GSE1: variants seen among roughly 807,000 people sequenced by gnomAD.
GSE1 encodes the protein Gse1 coiled-coil protein.
In GSE1, 32 loss-of-function variants were observed where a neutral mutation model predicts 112.6. The ratio of observed to expected loss-of-function variants is 0.28; its 90% CI spans 0.21 to 0.38. GSE1 has a LOEUF of 0.38. Among genes scored for constraint, GSE1 ranks in the 10% least tolerant of loss-of-function variants. The probability of loss-of-function intolerance (pLI) is 1.00; values close to 1 mark genes in which losing one functional copy is unlikely to be tolerated. For missense variants in GSE1, 2,348 were observed against 1,699.2 expected (o/e 1.38, Z -6.71); for synonymous variants, 1,115 against 735.6 (o/e 1.52, Z -8.35).
At chr16:85,464,475 C>G (rs914749527) in intron 2 of GSE1, among the ~76,000 whole-genome samples, 1 of 152,262 alleles carries the variant, frequency 6.6e-6, no homozygotes, top group East Asian at 1.9e-4. Context: ...CGCCCTTCCT[C>G]CGGGTGCCCG....
At chr16:85,233,756 G>A (rs1567627316) in intron 1 of GSE1, among the ~76,000 whole-genome samples, 2 of 152,306 alleles carry the variant, frequency 1.3e-5, no homozygotes, top group East Asian at 1.9e-4. Context: ...TCCATCAGAC[G>A]CTCCTGGCAG....
At chr16:85,248,714 G>C (rs1320913927) in intron 1 of GSE1, among the ~76,000 whole-genome samples, 2 of 152,212 alleles carry the variant, frequency 1.3e-5, no homozygotes, top group Non-Finnish European at 2.9e-5. Context: ...CAAGCAGGGA[G>C]GGGGGTGCTG....
intron 1 of GSE1, among the ~76,000 whole-genome samples, chr16:85,349,751 T>A (rs990467246): frequency 1.3e-5 from 2 of 152,136 alleles, no homozygotes; most frequent in Non-Finnish European, 2.9e-5. Context: ...CTCTTCCCCC[T>A]CCTGCGGTTG....
At chr16:85,617,485 A>T (rs1198051455) in intron 1 of GSE1, among the ~76,000 whole-genome samples, 2 of 151,172 alleles carry the variant, frequency 1.3e-5, no homozygotes, top group Admixed American at 1.3e-4. Context: ...TCCTGGCTGC[A>T]CTTTTGAATC....
intron 1 of GSE1, among the ~76,000 whole-genome samples, chr16:85,211,899 G>T (rs568602591): frequency 2.0e-5 from 3 of 152,208 alleles, no homozygotes; most frequent in East Asian, 3.9e-4. Context: ...AGCTTTGAGC[G>T]CCTGGATTTC....
chr16:85,519,381 ATCACC>A (rs1170551835), intron 2 of GSE1, among the ~76,000 whole-genome samples: 24 of 98,372 alleles, frequency 2.4e-4, no homozygotes, highest in African/African-American at 9.0e-4. Flanking sequence ...CTCCATCATC[ATCACC>A]TTCACCACCA....
chr16:85,398,002 C>T (rs552786711), intron 2 of GSE1, among the ~76,000 whole-genome samples: 28 of 152,154 alleles, frequency 1.8e-4, no homozygotes, highest in African/African-American at 6.7e-4. Flanking sequence ...GGGGTGGGGG[C>T]TGCAGACCTT....
intron 1 of GSE1, among the ~76,000 whole-genome samples, chr16:85,323,519 G>A (rs1452640477): frequency 6.6e-6 from 1 of 152,192 alleles, no homozygotes; most frequent in Non-Finnish European, 1.5e-5. Flanking sequence ...AGGAGGGGGC[G>A]AGTTGCCAGG....
intron 1 of GSE1, among the ~76,000 whole-genome samples, chr16:85,269,090 CCG>C (rs1420612081): frequency 2.0e-5 from 3 of 149,352 alleles, no homozygotes; most frequent in Non-Finnish European, 4.5e-5. Context: ...GATGGACAAA[CCG>C]AGCATCAATG....
intron 2 of GSE1, among the ~76,000 whole-genome samples, chr16:85,547,988 G>A (rs1352240010): frequency 1.3e-5 from 2 of 152,064 alleles, no homozygotes; most frequent in Non-Finnish European, 2.9e-5. Flanking sequence ...AGGACTTTGG[G>A]AGGCCGAGGC....
At chr16:85,499,450 A>G (rs1355163832) in intron 2 of GSE1, among the ~76,000 whole-genome samples, 3 of 151,764 alleles carry the variant, frequency 2.0e-5, no homozygotes, top group Admixed American at 1.3e-4. Flanking sequence ...AGCTGTGACT[A>G]CAGGCACCCG....
chr16:85,365,365 C>G (rs2047165432), intron 2 of GSE1, among the ~76,000 whole-genome samples: 1 of 152,248 alleles, frequency 6.6e-6, no homozygotes, highest in Non-Finnish European at 1.5e-5. Flanking sequence ...CTCCTTCACT[C>G]CTGCACTCCG....
intron 2 of GSE1, among the ~76,000 whole-genome samples, chr16:85,400,619 GTC>G (rs57828144): frequency 0.072 from 3,619 of 50,012 alleles, 102 homozygotes; most frequent in African/African-American, 0.11. Context: ...TGTGTTGCAT[GTC>G]TCTGTGTGTC....
chr16:85,604,505 C>T (rs2047598464), intron 1 of GSE1, among the ~76,000 whole-genome samples: 1 of 151,866 alleles, frequency 6.6e-6, no homozygotes, highest in African/African-American at 2.4e-5. Context: ...AGGTATGTTT[C>T]ATGCCTCACT....
At chr16:85,225,654 G>T (rs1198379935) in intron 1 of GSE1, among the ~76,000 whole-genome samples, 2 of 152,160 alleles carry the variant, frequency 1.3e-5, no homozygotes, top group African/African-American at 4.8e-5. Context: ...CCCCTTTCAG[G>T]TGTCTTTGGC....
chr16:85,460,569 C>T (rs575675998), intron 2 of GSE1, among the ~76,000 whole-genome samples: 4 of 152,330 alleles, frequency 2.6e-5, no homozygotes, highest in South Asian at 2.1e-4. Flanking sequence ...AGAAAGTGGG[C>T]GACGTCACTT....
upstream of GSE1, among the ~76,000 whole-genome samples, chr16:85,608,519 G>A (rs1026666719): frequency 6.6e-6 from 1 of 152,062 alleles, no homozygotes; most frequent in Non-Finnish European, 1.5e-5. Flanking sequence ...GAAACCGCTT[G>A]AGACCTGTCG....
chr16:85,652,321 G>A (rs1195092179), intron 3 of GSE1, among the ~76,000 whole-genome samples: 2 of 152,238 alleles, frequency 1.3e-5, no homozygotes, highest in Non-Finnish European at 2.9e-5. Flanking sequence ...CACTACCCCG[G>A]TTGCTGACAC....
chr16:85,420,049 A>C (rs560584520), intron 2 of GSE1, among the ~76,000 whole-genome samples: 3 of 152,204 alleles, frequency 2.0e-5, no homozygotes, highest in Admixed American at 2.0e-4. Context: ...CCCTGCCCTA[A>C]AGTGTCTAGA....
Sources: gnomAD v4.1 joint callset for allele counts (sites outside exome capture counted in the v4.1 genomes callset) on GRCh38, gnomAD v4.1.1 for gene constraint, MANE v1.5 for transcripts, NCBI Gene and HGNC (gene_info 2026-07-23, HGNC 2026-07-21) for gene names.